Variants in MTMR9 observed in about 807,000 individuals in gnomAD.
MTMR9 encodes the protein myotubularin-related protein 9.
Under a neutral mutation model 69.5 loss-of-function variants are expected in MTMR9, and 39 were observed. That is an observed-to-expected ratio of 0.56 (90% CI 0.43 to 0.73). MTMR9 has a LOEUF of 0.73. Among genes scored for constraint, MTMR9 ranks in the 30% least tolerant of loss-of-function variants. The pLI, the probability that MTMR9 is intolerant of heterozygous loss-of-function variation, is 0.00. For missense variants in MTMR9, 900 were observed against 671.2 expected (o/e 1.34, Z -3.77); for synonymous variants, 354 against 240.8 (o/e 1.47, Z -4.35).
Position 11,327,148 on chromosome 8 carries a change from A to G in MTMR9, c.*4360A>G, listed in dbSNP as rs968953858. 9 of 152,170 alleles carry G rather than the reference A, an allele frequency of 5.9e-5. No homozygotes were observed. Among genetic ancestry groups the G allele is most frequent in the Non-Finnish European group, 7.3e-5 (5 of 68,034 alleles). The allele number at this position is 152,170 out of a possible 1,614,324, so 9.4% of individuals were successfully genotyped here. A position where few individuals can be genotyped will look rare whatever the true frequency, so the allele number is the denominator to read the frequency against. ...GTCCACAGCATCTTCCTTTAAACCAATAGTCCCAGAAGAGACCCTCTGAAA... is the reference window on the plus strand; with the variant it reads ...GTCCACAGCATCTTCCTTTAAACCAGTAGTCCCAGAAGAGACCCTCTGAAA... On this transcript the variant is annotated 3_prime_UTR_variant, in exon 10 of 10. Coordinates refer to ENST00000221086, the MANE Select transcript of MTMR9 (RefSeq NM_015458.4).
At chr8:11,297,804 G>A (rs1437419290) in intron 2 of MTMR9, 1 of 452,040 alleles carries the variant, frequency 2.2e-6, no homozygotes, top group Non-Finnish European at 4.5e-6. Flanking sequence ...TAAATTATGA[G>A]CTCATTTGAC....
intron 9 of MTMR9, chr8:11,321,261 G>A: frequency 2.7e-6 from 1 of 365,954 alleles, no homozygotes; most frequent in Non-Finnish European, 5.5e-6. Context: ...TGAAGGGATG[G>A]TGACTGCTCA....
intron 5 of MTMR9, among the ~76,000 whole-genome samples, chr8:11,306,902 C>T (rs534488347): frequency 3.9e-5 from 6 of 152,250 alleles, no homozygotes; most frequent in Admixed American, 1.3e-4. Flanking sequence ...CTCTGGCAAC[C>T]ACCATTCTAC....
At chr8:11,317,615 C>T (rs1800481918) in intron 8 of MTMR9, 2 of 152,184 alleles carry the variant, frequency 1.3e-5, no homozygotes, top group African/African-American at 4.8e-5. Context: ...CCTTACTGGT[C>T]CATGGCCTGG....
At chr8:11,304,759 C>T (rs1288880614) in intron 3 of MTMR9, 82 bp from the exon 4 acceptor site, 13 of 1,414,816 alleles carry the variant, frequency 9.2e-6, no homozygotes, top group East Asian at 2.3e-5. Context: ...GAAAGTTGAC[C>T]TCTAAGGTCT....
chr8:11,316,990 T>C, intron 8 of MTMR9, 97 bp downstream of exon 8: 1 of 660,336 alleles, frequency 1.5e-6, no homozygotes, highest in Non-Finnish European at 2.5e-6. Flanking sequence ...TTTGGATCTA[T>C]ATTAAAATTA....
chr8:11,303,406 C>T (rs1310883235), intron 3 of MTMR9, among the ~76,000 whole-genome samples: 1 of 151,542 alleles, frequency 6.6e-6, no homozygotes, highest in Non-Finnish European at 1.5e-5. Flanking sequence ...AAGGTAAACA[C>T]TGAAAAAGCT....
intron 1 of MTMR9, among the ~76,000 whole-genome samples, chr8:11,291,183 A>G (rs1479676092): frequency 6.6e-6 from 1 of 152,130 alleles, no homozygotes; most frequent in Non-Finnish European, 1.5e-5. Flanking sequence ...TTTTGGATTT[A>G]TAGATTAATT....
intron 1 of MTMR9, among the ~76,000 whole-genome samples, chr8:11,289,942 T>C (rs532494041): frequency 3.3e-5 from 5 of 152,336 alleles, no homozygotes; most frequent in Non-Finnish European, 5.9e-5. Flanking sequence ...CTCATTCATG[T>C]CCCTTTATAT....
chr8:11,288,978 C>A (rs949349198), intron 1 of MTMR9, among the ~76,000 whole-genome samples: 4 of 152,188 alleles, frequency 2.6e-5, no homozygotes, highest in Non-Finnish European at 5.9e-5. Flanking sequence ...TTCGACACAG[C>A]CTGGCCAGTA....
chr8:11,313,289 A>G (rs1332566680), intron 6 of MTMR9, among the ~76,000 whole-genome samples: 2 of 152,160 alleles, frequency 1.3e-5, no homozygotes, highest in East Asian at 1.9e-4. Flanking sequence ...CTTCCTCTGG[A>G]TTAGGCTTTG....
chr8:11,334,444 A>G, the MTMR9 span, among the ~76,000 whole-genome samples: 1 of 152,318 alleles, frequency 6.6e-6, no homozygotes, highest in Non-Finnish European at 1.5e-5. Context: ...ATAAGTTTAG[A>G]TTAGACTGTT....
chr8:11,288,112 TTAAA>T (rs937775270), intron 1 of MTMR9, among the ~76,000 whole-genome samples: 1 of 132,606 alleles, frequency 7.5e-6, no homozygotes, highest in Admixed American at 8.6e-5. Flanking sequence ...CCTAATTATA[TTAAA>T]TAATTATTCA....
downstream of MTMR9, chr8:11,331,375 G>A (rs141484171): frequency 2.6e-4 from 426 of 1,613,652 alleles, no homozygotes; most frequent in African/African-American, 2.6e-3. Context: ...CTTAAACTGC[G>A]TGGCGACCCC....
chr8:11,299,025 G>A (rs555813424), intron 2 of MTMR9, among the ~76,000 whole-genome samples: 2 of 152,240 alleles, frequency 1.3e-5, no homozygotes, highest in African/African-American at 4.8e-5. Context: ...TACCTATGTA[G>A]AGCATGTCAT....
chr8:11,331,494 G>A (rs371988010), downstream of MTMR9: 66 of 1,613,836 alleles, frequency 4.1e-5, no homozygotes, highest in African/African-American at 4.7e-4. Flanking sequence ...CGCTGGCAAC[G>A]CTGCCACTGT....
chr8:11,324,464 G>A lies in MTMR9; in HGVS notation c.*1676G>A, dbSNP rs1375787405. 6.9e-6 allele frequency: 1 copy of A among 144,756 alleles called. No individual in the cohort carries two copies. Among genetic ancestry groups the A allele is most frequent in the Non-Finnish European group, 1.5e-5 (1 of 66,960 alleles). 9.0% of individuals were successfully genotyped at this position (144,756 alleles called of 1,614,324 possible). A position where few individuals can be genotyped will look rare whatever the true frequency, so the allele number is the denominator to read the frequency against. On this transcript the variant is annotated 3_prime_UTR_variant, in exon 10 of 10. Transcript: ENST00000221086. The stretch of plus-strand genomic sequence containing the variant: ...TCCCATGGCAAGGAGCATAAGAGAT[G>A]TTCTCGTAGCTCTGCGTTGTGTGAA...
chr8:11,326,039 G>T lies in MTMR9; in HGVS notation c.*3251G>T, dbSNP rs754917815. On this transcript the variant is annotated 3_prime_UTR_variant, in exon 10 of 10. Coordinates refer to ENST00000221086, the MANE Select transcript of MTMR9 (RefSeq NM_015458.4). ...TTGTTTTAAAGGATGAAATTTTGTG[G>T]GGTTTTAGTCTTTGATTCAGTCAGT... is the stretch of plus-strand genomic sequence containing the variant. 1 of 152,056 alleles carries T rather than the reference G, an allele frequency of 6.6e-6. No homozygotes were observed. Among genetic ancestry groups the T allele is most frequent in the African/African-American group, 2.4e-5 (1 of 41,396 alleles). 9.4% of individuals were successfully genotyped at this position (152,056 alleles called of 1,614,324 possible).
intron 6 of MTMR9, 83 bp from the exon 7 acceptor site, chr8:11,314,840 C>G (rs772809121): frequency 8.4e-5 from 114 of 1,358,046 alleles, no homozygotes; most frequent in Middle Eastern, 1.9e-4. Context: ...AAATGTTGTG[C>G]TCAATAAACG....
Sources: gnomAD v4.1 joint callset for allele counts (sites outside exome capture counted in the v4.1 genomes callset) on GRCh38, gnomAD v4.1.1 for gene constraint, MANE v1.5 for transcripts, NCBI Gene and HGNC (gene_info 2026-07-23, HGNC 2026-07-21) for gene names.